The following KIAA0825 variants were observed in gnomAD, a reference collection of about 807,000 sequenced individuals.
KIAA0825 encodes the protein KIAA0825, also known as uncharacterized protein KIAA0825.
KIAA0825 carries 119 observed loss-of-function variants against 147.6 expected under a neutral mutation model. The observed-to-expected ratio is 0.81, with a 90% CI of 0.69 to 0.94. The LOEUF (loss-of-function observed/expected upper bound fraction) is 0.94, where lower values mean the gene tolerates loss of function less well. KIAA0825 is among the 40% of genes least tolerant of loss of function. The probability of loss-of-function intolerance (pLI) is 0.00; values close to 1 mark genes in which losing one functional copy is unlikely to be tolerated. For synonymous variants in KIAA0825, 470 were observed against 518.1 expected, an observed-to-expected ratio of 0.91 and a Z score of 1.26; for missense variants, 1,381 against 1,472.7, an observed-to-expected ratio of 0.94 and a Z score of 1.02.
chr5:94,505,007 A>C (rs1765572832), intron 5 of KIAA0825, among the ~76,000 whole-genome samples: 1 of 151,636 alleles, frequency 6.6e-6, no homozygotes, highest in African/African-American at 2.4e-5. Context: ...CGGCCTCCCA[A>C]AGTACTGGGA....
Position 94,277,966 on chromosome 5 carries a change from C to A in KIAA0825, c.3710+106402G>T, listed in dbSNP as rs1448759170. ...GACGAATTCATGTCCCTTGCAGGGA[C>A]ATGGATGAAGCTGGAAACCATCATC... is the stretch of plus-strand genomic sequence containing the variant. On this transcript the variant is annotated intron_variant, in intron 20 of 20. Coordinates refer to ENST00000682413, the MANE Select transcript of KIAA0825 (RefSeq NM_001145678.3). 2.0e-5 allele frequency among the ~76,000 whole-genome samples: 3 copies of A among 152,122 alleles called. 1 individual carries two copies. The highest frequency in any genetic ancestry group is 4.4e-5 in the Non-Finnish European group (3 of 68,022).
At chr5:94,600,880 C>G (rs1359298541) in intron 1 of KIAA0825, among the ~76,000 whole-genome samples, 1 of 152,176 alleles carries the variant, frequency 6.6e-6, no homozygotes, top group Admixed American at 6.5e-5. Flanking sequence ...GGGACTCCAG[C>G]CACTCCCACT....
intron 7 of KIAA0825, among the ~76,000 whole-genome samples, chr5:94,474,456 T>G (rs1311176023): frequency 6.6e-6 from 1 of 152,170 alleles, no homozygotes; most frequent in African/African-American, 2.4e-5. Flanking sequence ...CTGAATCACT[T>G]ATTTTTCTTG....
At chr5:94,231,625 T>C (rs922859358) in intron 20 of KIAA0825, among the ~76,000 whole-genome samples, 19 of 152,108 alleles carry the variant, frequency 1.2e-4, no homozygotes, top group Non-Finnish European at 5.9e-5. Context: ...ACTATGAAAA[T>C]TGTTGCTGAT....
intron 10 of KIAA0825, among the ~76,000 whole-genome samples, chr5:94,467,839 C>G (rs1261895732): frequency 6.6e-6 from 1 of 152,136 alleles, no homozygotes; most frequent in Non-Finnish European, 1.5e-5. Flanking sequence ...TCCTGTTTCA[C>G]AAAGCAGTTG....
intron 2 of KIAA0825, among the ~76,000 whole-genome samples, chr5:94,570,972 C>T (rs1002913004): frequency 1.3e-5 from 2 of 152,174 alleles, no homozygotes; most frequent in African/African-American, 4.8e-5. Flanking sequence ...TAATCATGAA[C>T]ATTTATAGGC....
chr5:94,177,797 A>G (rs1252097919), intron 20 of KIAA0825, among the ~76,000 whole-genome samples: 1 of 152,128 alleles, frequency 6.6e-6, no homozygotes, highest in Non-Finnish European at 1.5e-5. Context: ...TGAATAAAAT[A>G]TTAGTGTGTA....
chr5:94,417,130 T>C, intron 15 of KIAA0825, 71 bp downstream of exon 15: 1 of 1,415,682 alleles, frequency 7.1e-7, no homozygotes, highest in Non-Finnish European at 9.7e-7. Flanking sequence ...CAATACAACT[T>C]CTAAACATCT....
chr5:94,228,168 T>G (rs1774374610), intron 20 of KIAA0825, among the ~76,000 whole-genome samples: 1 of 152,174 alleles, frequency 6.6e-6, no homozygotes, highest in Admixed American at 6.5e-5. Flanking sequence ...TGCTATCATC[T>G]CTTGCTTTTT....
intron 20 of KIAA0825, among the ~76,000 whole-genome samples, chr5:94,337,707 T>C (rs574684762): frequency 2.8e-4 from 42 of 152,210 alleles, no homozygotes; most frequent in African/African-American, 9.4e-4. Flanking sequence ...GAATAGACCA[T>C]TTCCAGAACT....
chr5:94,549,026 C>G (rs1695074282), intron 2 of KIAA0825, among the ~76,000 whole-genome samples: 1 of 152,092 alleles, frequency 6.6e-6, no homozygotes, highest in African/African-American at 2.4e-5. Flanking sequence ...ACAGATCTTA[C>G]AAAGAGAAAA....
intron 1 of KIAA0825, among the ~76,000 whole-genome samples, chr5:94,585,459 G>A (rs1320484615): frequency 4.6e-5 from 7 of 152,156 alleles, no homozygotes; most frequent in Admixed American, 4.6e-4. Context: ...TTACATAATG[G>A]TAAAGGGATC....
chr5:94,548,897 T>C (rs1285757070), intron 2 of KIAA0825, among the ~76,000 whole-genome samples: 2 of 152,194 alleles, frequency 1.3e-5, no homozygotes, highest in East Asian at 1.9e-4. Flanking sequence ...TAAATATATA[T>C]GCACCCAACA....
At chr5:94,248,176 T>A (rs1775725043) in intron 20 of KIAA0825, among the ~76,000 whole-genome samples, 1 of 152,248 alleles carries the variant, frequency 6.6e-6, no homozygotes, top group Non-Finnish European at 1.5e-5. Flanking sequence ...GATAAGAAGC[T>A]ACTTGACAAT....
intron 20 of KIAA0825, among the ~76,000 whole-genome samples, chr5:94,311,698 T>C (rs927098067): frequency 9.2e-5 from 14 of 151,788 alleles, no homozygotes; most frequent in South Asian, 2.1e-4. Context: ...ACAATAAAAC[T>C]ATTCACACGA....
At chr5:94,451,257 C>T (rs1351713536) in intron 13 of KIAA0825, among the ~76,000 whole-genome samples, 1 of 152,106 alleles carries the variant, frequency 6.6e-6, no homozygotes, top group African/African-American at 2.4e-5. Flanking sequence ...GTCTATTATG[C>T]CACTATTCCA....
Position 94,494,080 on chromosome 5 carries a change from G to A in KIAA0825, c.971-9150C>T, listed in dbSNP as rs889191142. On this transcript the variant is annotated intron_variant, in intron 5 of 20. Coordinates refer to ENST00000682413, the MANE Select transcript of KIAA0825 (RefSeq NM_001145678.3). ...AGTCACCCTGAAGCTATTCTTCTGG[G>A]TCAATGAGAAAAACTGAAAAGACAC... 3.3e-5 allele frequency among the ~76,000 whole-genome samples: 5 copies of A among 152,168 alleles called. No homozygotes were observed. The East Asian group carries it at 9.7e-4, about 29-fold the overall frequency.
At chr5:94,429,353 G>GTA (rs1171483395) in intron 14 of KIAA0825, among the ~76,000 whole-genome samples, 3 of 151,888 alleles carry the variant, frequency 2.0e-5, no homozygotes, top group Non-Finnish European at 2.9e-5. Flanking sequence ...CACGCAGGTA[G>GTA]TATGTTTGCT....
At chr5:94,529,422 C>A (rs2151284702) in intron 3 of KIAA0825, among the ~76,000 whole-genome samples, 1 of 144,764 alleles carries the variant, frequency 6.9e-6, no homozygotes, top group Admixed American at 7.0e-5. Context: ...ATGTATATAT[C>A]ATATGTATAT....
Sources: gnomAD v4.1 joint callset for allele counts (sites outside exome capture counted in the v4.1 genomes callset) on GRCh38, gnomAD v4.1.1 for gene constraint, MANE v1.5 for transcripts, NCBI Gene and HGNC (gene_info 2026-07-23, HGNC 2026-07-21) for gene names.